Variants in CDH13 observed in about 807,000 individuals in gnomAD.
The protein encoded by CDH13 is cadherin-13.
CDH13 carries 24 observed loss-of-function variants against 63.8 expected under a neutral mutation model. The observed-to-expected ratio is 0.38, with a 90% confidence interval of 0.27 to 0.53. CDH13 has a LOEUF of 0.53. CDH13 is among the 20% of genes least tolerant of loss of function. CDH13 has a pLI of 0.85. For synonymous variants in CDH13, 503 were observed against 355.3 expected (o/e 1.42, Z -4.67); for missense variants, 1,049 against 903.1 (o/e 1.16, Z -2.07).
chr16:83,324,708 G>T (rs1446599614), intron 5 of CDH13, among the ~76,000 whole-genome samples: 3 of 152,218 alleles, frequency 2.0e-5, no homozygotes, highest in African/African-American at 7.2e-5. Context: ...ACTTTAAAAT[G>T]CGTAAGTGTT....
Position 83,512,138 on chromosome 16 carries a change from G to A in CDH13, c.960+25483G>A, listed in dbSNP as rs141630498. ...AGGTGGAGACCATCCTGGCTAACACGGTGAAACTCCATCTGTCCTAAAAAT... is the reference window on the plus strand; with the variant it reads ...AGGTGGAGACCATCCTGGCTAACACAGTGAAACTCCATCTGTCCTAAAAAT... On this transcript the variant is annotated intron_variant, in intron 7 of 13. Coordinates refer to ENST00000567109, the MANE Select transcript of CDH13 (RefSeq NM_001257.5). Among the ~76,000 whole-genome samples, 719 of 151,338 alleles carry A rather than the reference G, an allele frequency of 4.8e-3. 5 individuals carry two copies. The highest frequency in any genetic ancestry group is 0.017 in the African/African-American group (700 of 41,176).
intron 6 of CDH13, among the ~76,000 whole-genome samples, chr16:83,460,263 G>A (rs1012366877): frequency 2.0e-5 from 3 of 152,186 alleles, no homozygotes; most frequent in Non-Finnish European, 4.4e-5. Context: ...GGCAATAACA[G>A]GAAAACAGAG....
intron 3 of CDH13, among the ~76,000 whole-genome samples, chr16:83,105,748 C>G (rs12935267): frequency 6.6e-6 from 1 of 152,088 alleles, no homozygotes; most frequent in Admixed American, 6.5e-5. Flanking sequence ...AAATCATCAT[C>G]TAACCTGTAC....
chr16:83,073,321 C>CTGTGTGTGTGTGTG (rs567463667), intron 3 of CDH13, among the ~76,000 whole-genome samples: 3 of 139,688 alleles, frequency 2.1e-5, no homozygotes, highest in African/African-American at 8.1e-5. Flanking sequence ...GGGTGTGTGT[C>CTGTGTGTGTGTGTG]TGTGTGTGTG....
At chr16:83,048,383 C>G (rs1455249370) in intron 3 of CDH13, among the ~76,000 whole-genome samples, 1 of 152,150 alleles carries the variant, frequency 6.6e-6, no homozygotes, top group South Asian at 2.1e-4. Flanking sequence ...ACGAAAATGA[C>G]TTGGTTGATG....
At chr16:83,110,703 C>T (rs2035016114) in intron 3 of CDH13, among the ~76,000 whole-genome samples, 1 of 152,124 alleles carries the variant, frequency 6.6e-6, no homozygotes, top group Non-Finnish European at 1.5e-5. Context: ...ATTTCCAACT[C>T]AGACATCTCT....
chr16:82,811,707 C>T (rs1048060890), intron 1 of CDH13, among the ~76,000 whole-genome samples: 12 of 151,956 alleles, frequency 7.9e-5, no homozygotes, highest in African/African-American at 2.9e-4. Context: ...GTCTTGTATT[C>T]CAGTGAGGAG....
intron 1 of CDH13, among the ~76,000 whole-genome samples, chr16:82,794,986 C>G (rs1008352843): frequency 1.3e-5 from 2 of 152,168 alleles, no homozygotes; most frequent in South Asian, 4.1e-4. Flanking sequence ...CTGAGAGATT[C>G]TGAAGAGAAG....
chr16:83,716,028 G>C (rs184281748), intron 10 of CDH13, among the ~76,000 whole-genome samples: 10 of 152,264 alleles, frequency 6.6e-5, no homozygotes, highest in African/African-American at 2.4e-4. Context: ...TCTTGGTACA[G>C]TCTTCCATTT....
At chr16:82,657,031 A>C (rs1911380935) in intron 1 of CDH13, among the ~76,000 whole-genome samples, 1 of 151,974 alleles carries the variant, frequency 6.6e-6, no homozygotes, top group Non-Finnish European at 1.5e-5. Flanking sequence ...TGGTGATTAC[A>C]AATAAAGCTG....
chr16:83,032,190 G>T lies in CDH13; in HGVS notation c.338G>T (p.Gly113Val), dbSNP rs575477444. ...GATATGGCAGAACTCGTGATTGTCG[G>T]GGGGAAAGACATCCAGGGCTCCTTG... is the stretch of plus-strand genomic sequence containing the variant. Reference protein sequence around the residue: ...AEDMAELVIVGGKDIQGSLQD... With the variant: ...AEDMAELVIVVGKDIQGSLQD... Residue 113 changes from glycine to valine, a missense_variant, in exon 3 of 14, where the codon GGG becomes GTG. Physicochemically the swap from Gly to Val is moderately radical, Grantham distance 109 (BLOSUM62 -3). Coordinates refer to ENST00000567109, the MANE Select transcript of CDH13 (RefSeq NM_001257.5). 3 of 1,613,624 alleles carry T rather than the reference G, an allele frequency of 1.9e-6. No individual in the cohort carries two copies. The highest frequency in any genetic ancestry group is 1.7e-5 in the Admixed American group (1 of 59,994).
intron 3 of CDH13, among the ~76,000 whole-genome samples, chr16:83,077,273 C>G (rs190252303): frequency 7.4e-6 from 1 of 134,288 alleles, no homozygotes; most frequent in Admixed American, 8.4e-5. Flanking sequence ...GCTCACTGGA[C>G]CTCTGCTTCC....
intron 5 of CDH13, among the ~76,000 whole-genome samples, chr16:83,239,712 GCT>G (rs1904301573): frequency 6.6e-6 from 1 of 152,098 alleles, no homozygotes; most frequent in Admixed American, 6.6e-5. Flanking sequence ...TACCTACTTG[GCT>G]CTTACTACCT....
intron 10 of CDH13, among the ~76,000 whole-genome samples, chr16:83,698,127 C>T (rs1407655856): frequency 2.0e-5 from 3 of 152,272 alleles, no homozygotes; most frequent in East Asian, 1.9e-4. Context: ...TGTTAGTTAA[C>T]GAATGAATTG....
intron 7 of CDH13, among the ~76,000 whole-genome samples, chr16:83,555,613 A>T (rs1447858424): frequency 1.3e-5 from 2 of 152,246 alleles, no homozygotes; most frequent in Non-Finnish European, 2.9e-5. Flanking sequence ...TGTGATACTT[A>T]GCATAAGTGG....
intron 6 of CDH13, among the ~76,000 whole-genome samples, chr16:83,475,071 C>A (rs1421655845): frequency 1.3e-5 from 2 of 152,206 alleles, no homozygotes; most frequent in African/African-American, 2.4e-5. Context: ...CGACTGGCTG[C>A]GTGATTTGCA....
At chr16:83,356,255 T>TA (rs2091054490) in intron 6 of CDH13, among the ~76,000 whole-genome samples, 1 of 128,710 alleles carries the variant, frequency 7.8e-6, no homozygotes, top group Non-Finnish European at 1.6e-5. Flanking sequence ...TGTGTGTGTG[T>TA]GTGTGTGTGT....
At chr16:83,678,546 C>A in intron 10 of CDH13, 85 bp downstream of exon 10, 1 of 1,492,154 alleles carries the variant, frequency 6.7e-7, no homozygotes, top group Non-Finnish European at 9.2e-7. Context: ...TTGTCAGGAG[C>A]AGACACCATT....
intron 10 of CDH13, among the ~76,000 whole-genome samples, chr16:83,705,571 G>C (rs183668743): frequency 6.6e-6 from 1 of 152,282 alleles, no homozygotes; most frequent in African/African-American, 2.4e-5. Flanking sequence ...GCAGTGAGCC[G>C]AGATCACGCC....
Sources: gnomAD v4.1 joint callset for allele counts (sites outside exome capture counted in the v4.1 genomes callset) on GRCh38, gnomAD v4.1.1 for gene constraint, MANE v1.5 for transcripts, NCBI Gene and HGNC (gene_info 2026-07-23, HGNC 2026-07-21) for gene names.